CATSPERT: variants seen among roughly 807,000 people sequenced by gnomAD.
CATSPERT encodes catsper channel auxiliary subunit tau, also known as cation channel sperm-associated targeting subunit tau.
chr2:201,536,393 T>G, the CATSPERT span: 3 of 1,488,790 alleles, frequency 2.0e-6, no homozygotes, highest in Non-Finnish European at 2.7e-6. Context: ...ATTAAGAAAA[T>G]GACTCAAAAT....
At chr2:201,525,074 G>C in the CATSPERT span, among the ~76,000 whole-genome samples, 1 of 152,094 alleles carries the variant, frequency 6.6e-6, no homozygotes, top group South Asian at 2.1e-4. Flanking sequence ...AACTAACAAA[G>C]ATATTCGGGA....
At chr2:201,576,465 C>A in the CATSPERT span, among the ~76,000 whole-genome samples, 1 of 152,178 alleles carries the variant, frequency 6.6e-6, no homozygotes, top group Non-Finnish European at 1.5e-5. Context: ...CTTGCAAGAC[C>A]AATGGACTGC....
the CATSPERT span, among the ~76,000 whole-genome samples, chr2:201,594,927 C>T: frequency 6.6e-6 from 1 of 152,136 alleles, no homozygotes; most frequent in Non-Finnish European, 1.5e-5. Flanking sequence ...GTTTGAATGT[C>T]CTCCCGTAGC....
the CATSPERT span, chr2:201,618,980 C>T: frequency 1.2e-6 from 2 of 1,614,010 alleles, no homozygotes; most frequent in East Asian, 4.5e-5. Context: ...GCGTAAGGGA[C>T]CGAAGAAGCC....
the CATSPERT span, among the ~76,000 whole-genome samples, chr2:201,552,390 C>T: frequency 1.3e-5 from 2 of 152,106 alleles, no homozygotes; most frequent in South Asian, 2.1e-4. Context: ...AAAATTATGA[C>T]ATTACAAGAA....
the CATSPERT span, among the ~76,000 whole-genome samples, chr2:201,528,660 T>A: frequency 6.6e-6 from 1 of 152,056 alleles, no homozygotes; most frequent in African/African-American, 2.4e-5. Context: ...AATGCAGGAA[T>A]AGAAAACGAA....
At chr2:201,545,488 TA>T in the CATSPERT span, 1 of 1,174,676 alleles carries the variant, frequency 8.5e-7, no homozygotes, top group Non-Finnish European at 1.2e-6. Context: ...TTTTGTGATA[TA>T]ATCACTTTGA....
chr2:201,575,990 A>G, the CATSPERT span, among the ~76,000 whole-genome samples: 1 of 152,200 alleles, frequency 6.6e-6, no homozygotes, highest in African/African-American at 2.4e-5. Context: ...TACAAACATA[A>G]GGAATGTTCA....
chr2:201,536,255 A>G, the CATSPERT span: 2 of 1,613,228 alleles, frequency 1.2e-6, no homozygotes, highest in Admixed American at 1.7e-5. Context: ...CAGCAGTTGA[A>G]TTATCTTGGT....
the CATSPERT span, among the ~76,000 whole-genome samples, chr2:201,614,822 G>A: frequency 5.3e-5 from 8 of 152,066 alleles, no homozygotes; most frequent in African/African-American, 1.7e-4. Context: ...CCTATCTCAC[G>A]TACAGAGATA....
At chr2:201,591,533 T>C in the CATSPERT span, among the ~76,000 whole-genome samples, 1 of 152,136 alleles carries the variant, frequency 6.6e-6, no homozygotes, top group South Asian at 2.1e-4. Context: ...AAGTCATTGG[T>C]AGCTTGATGG....
chr2:201,493,105 A>G, the CATSPERT span: 1 of 1,528,830 alleles, frequency 6.5e-7, no homozygotes. Flanking sequence ...ATATTTGAAA[A>G]AAACATTGAA....
the CATSPERT span, among the ~76,000 whole-genome samples, chr2:201,606,773 C>T: frequency 2.0e-5 from 3 of 152,076 alleles, no homozygotes; most frequent in Non-Finnish European, 4.4e-5. Flanking sequence ...GTGGTGCACA[C>T]CTGTAATTCC....
the CATSPERT span, among the ~76,000 whole-genome samples, chr2:201,615,214 C>G: frequency 6.6e-6 from 1 of 152,172 alleles, no homozygotes. Context: ...ACCTAATAGA[C>G]ATCTACAGAA....
the CATSPERT span, chr2:201,558,346 A>G: frequency 2.0e-5 from 3 of 152,204 alleles, no homozygotes; most frequent in East Asian, 5.8e-4. Context: ...GGCACTTATC[A>G]CTCCCACAGG....
At chr2:201,569,532 C>T in the CATSPERT span, among the ~76,000 whole-genome samples, 3 of 152,162 alleles carry the variant, frequency 2.0e-5, no homozygotes, top group African/African-American at 7.2e-5. Context: ...CCCAATTACT[C>T]CCATTGCATT....
chr2:201,611,697 C>CAAA, the CATSPERT span, among the ~76,000 whole-genome samples: 1 of 149,690 alleles, frequency 6.7e-6, no homozygotes, highest in South Asian at 2.1e-4. Context: ...TATCAACAGT[C>CAAA]AAAAAAAAAA....
chr2:201,543,848 T>G, the CATSPERT span, among the ~76,000 whole-genome samples: 1 of 152,150 alleles, frequency 6.6e-6, no homozygotes, highest in African/African-American at 2.4e-5. Context: ...GTACTATACT[T>G]TAACTTGCTT....
chr2:201,536,342 C>T, the CATSPERT span: 1 of 1,562,706 alleles, frequency 6.4e-7, no homozygotes, highest in Non-Finnish European at 8.7e-7. Context: ...AGCAATAAAA[C>T]AAACTACCAG....
Sources: gnomAD v4.1 joint callset for allele counts (sites outside exome capture counted in the v4.1 genomes callset) on GRCh38, gnomAD v4.1.1 for gene constraint, MANE v1.5 for transcripts, NCBI Gene and HGNC (gene_info 2026-07-23, HGNC 2026-07-21) for gene names.